NSD2: variants seen among roughly 807,000 people sequenced by gnomAD.
The protein encoded by NSD2 is histone-lysine N-methyltransferase NSD2.
Under a neutral mutation model 139.0 loss-of-function variants are expected in NSD2, and 12 were observed. That is an observed-to-expected ratio of 0.09 (90% CI 0.06 to 0.14). NSD2 has a LOEUF of 0.14. Ranked by LOEUF, NSD2 falls within the 10% of genes least tolerant of loss-of-function variation. The pLI is 1.00. For synonymous variants in NSD2, 669 were observed against 648.7 expected, an observed-to-expected ratio of 1.03 and a Z score of -0.48; for missense variants, 1,155 against 1,745.0, an observed-to-expected ratio of 0.66 and a Z score of 6.02.
intron 3 of NSD2, among the ~76,000 whole-genome samples, chr4:1,909,607 C>G (rs1718394333): frequency 1.3e-5 from 2 of 151,676 alleles, no homozygotes; most frequent in South Asian, 4.2e-4. Context: ...GAAGCCAGTA[C>G]TTTTATATTT....
chr4:1,886,468 A>C (rs1251544109), intron 1 of NSD2, among the ~76,000 whole-genome samples: 1 of 152,120 alleles, frequency 6.6e-6, no homozygotes, highest in Admixed American at 6.6e-5. Flanking sequence ...TGGCCTCTGA[A>C]AGTTCTGGGA....
At chr4:1,907,615 C>CTCT (rs1718095597) in intron 3 of NSD2, among the ~76,000 whole-genome samples, 11 of 93,626 alleles carry the variant, frequency 1.2e-4, no homozygotes, top group Non-Finnish European at 2.0e-4. Flanking sequence ...TGTTGAATCT[C>CTCT]TTTTTTTTTT....
chr4:1,959,386 G>T, intron 16 of NSD2, 85 bp from the exon 17 acceptor site: 2 of 1,522,166 alleles, frequency 1.3e-6, no homozygotes, highest in South Asian at 2.5e-5. Context: ...CCTGGAGGCT[G>T]GGTAAGGAGA....
At chr4:1,953,570 C>G (rs755307566) in intron 12 of NSD2, 46 bp downstream of exon 12, 1 of 1,547,592 alleles carries the variant, frequency 6.5e-7, no homozygotes, top group Non-Finnish European at 8.7e-7. Context: ...AGATGCAGGC[C>G]AGACGCAGGC....
intron 5 of NSD2, among the ~76,000 whole-genome samples, chr4:1,923,022 C>T (rs895591902): frequency 6.6e-6 from 1 of 152,084 alleles, no homozygotes; most frequent in Admixed American, 6.5e-5. Flanking sequence ...GATGGGAAAG[C>T]GCTGCAGGCC....
chr4:1,921,876 C>T (rs548958365), intron 5 of NSD2, among the ~76,000 whole-genome samples: 2 of 151,610 alleles, frequency 1.3e-5, no homozygotes, highest in Non-Finnish European at 2.9e-5. Flanking sequence ...AGGCCGGGCG[C>T]GGTGGCTCAC....
chr4:1,962,809 T>C (rs1236975146), intron 18 of NSD2, among the ~76,000 whole-genome samples: 1 of 152,198 alleles, frequency 6.6e-6, no homozygotes, highest in Admixed American at 6.5e-5. Flanking sequence ...TATCTGGGAC[T>C]ACAGGAACAT....
chr4:1,922,123 G>A (rs897322283), intron 5 of NSD2, among the ~76,000 whole-genome samples: 5 of 152,198 alleles, frequency 3.3e-5, no homozygotes, highest in Non-Finnish European at 5.9e-5. Flanking sequence ...CTGCAGCCTA[G>A]ACAATAGAAT....
intron 6 of NSD2, among the ~76,000 whole-genome samples, chr4:1,933,176 G>C (rs1386402993): frequency 6.6e-6 from 1 of 152,250 alleles, no homozygotes; most frequent in African/African-American, 2.4e-5. Flanking sequence ...CGCTTTGGCT[G>C]CTGACTCTTC....
chr4:1,912,224 C>A, intron 3 of NSD2: 1 of 231,720 alleles, frequency 4.3e-6, no homozygotes, highest in Non-Finnish European at 9.0e-6. Flanking sequence ...TCATCATTTT[C>A]TTCTACTTCT....
chr4:1,930,866 A>T, intron 6 of NSD2, 96 bp downstream of exon 6: 1 of 1,431,078 alleles, frequency 7.0e-7, no homozygotes, highest in Non-Finnish European at 9.3e-7. Flanking sequence ...AAGTGTGTCC[A>T]CTCTCCCTGT....
At chr4:1,890,469 T>G (rs1715444817) in intron 1 of NSD2, among the ~76,000 whole-genome samples, 1 of 150,732 alleles carries the variant, frequency 6.6e-6, no homozygotes, top group Non-Finnish European at 1.5e-5. Flanking sequence ...CGGCTAATTG[T>G]TTTTTGTATT....
In NSD2 at chr4:1,982,117, A is replaced by G. The variant is rs142634124; in HGVS notation, c.*3208A>G. ...GAGTTGAGACTTGCCAGTTGGGGGA[A>G]AATAGCATTTAAAATGGAAAGCTGT... On this transcript the variant is annotated 3_prime_UTR_variant, in exon 22 of 22. Transcript: ENST00000508803. 1.3e-3 allele frequency: 526 copies of G among 396,544 alleles called. 5 individuals are homozygous for G. In the East Asian group the frequency reaches 0.018, roughly 13 times the overall value. 24.6% of individuals were successfully genotyped at this position (396,544 alleles called of 1,614,324 possible).
chr4:1,957,937 G>T lies in NSD2; in HGVS notation c.2886G>T (p.Leu962=), dbSNP rs1378436513. 1 of 1,614,022 alleles carries T rather than the reference G, an allele frequency of 6.2e-7. No homozygotes were observed. Among genetic ancestry groups the T allele is most frequent in the South Asian group, 1.1e-5 (1 of 91,064 alleles). The change falls in exon 16 of 22, where the codon CTG becomes CTT. Residue 962 remains leucine (L), a synonymous_variant. Transcript: ENST00000508803. ...RGIGRVFKNA[L]QEAEARFREI... is the part of the protein sequence containing the mutation. Reference sequence around the variant, plus strand: ...CCTATTTCATTGACTTTTTAGCACTGCAAGAAGCTGAAGCTCGTTTTCGTG... The same window carrying T: ...CCTATTTCATTGACTTTTTAGCACTTCAAGAAGCTGAAGCTCGTTTTCGTG...
Position 1,911,616 on chromosome 4 carries a change from AAAAG to A in NSD2, c.761-5243_761-5240del, listed in dbSNP as rs1293509859. Among the ~76,000 whole-genome samples the A allele has an allele frequency of 1.7e-3, 253 of 150,894 alleles. 1 individual carries two copies. The highest frequency in any genetic ancestry group is 3.0e-3 in the African/African-American group (124 of 41,136). ...AAAAAAAAAAAAAAAAAGAAAAAAAAAAAGAAAGAAAGAAATTGCATAGGAAGGG... is the reference window on the plus strand; with the variant it reads ...AAAAAAAAAAAAAAAAAGAAAAAAAAAAAGAAAGAAATTGCATAGGAAGGG... On this transcript the variant is annotated intron_variant, in intron 3 of 21. Transcript: ENST00000508803.
intron 1 of NSD2, among the ~76,000 whole-genome samples, chr4:1,898,861 C>T (rs1716783883): frequency 1.3e-5 from 2 of 151,996 alleles, no homozygotes; most frequent in Admixed American, 1.3e-4. Flanking sequence ...GTTACAGTTG[C>T]TTCAAACTCT....
intron 1 of NSD2, among the ~76,000 whole-genome samples, chr4:1,872,591 TGA>T (rs1200688066): frequency 0.028 from 1,266 of 44,878 alleles, 17 homozygotes; most frequent in Admixed American, 0.033. Context: ...TGTGTGTGTG[TGA>T]GAGAGAGAGA....
chr4:1,921,331 C>T (rs993320889), intron 5 of NSD2, among the ~76,000 whole-genome samples: 7 of 151,606 alleles, frequency 4.6e-5, no homozygotes, highest in Admixed American at 2.0e-4. Flanking sequence ...TGGTGGCGTG[C>T]GCCTGTACTT....
chr4:1,882,258 A>G (rs930344106), intron 1 of NSD2, among the ~76,000 whole-genome samples: 1 of 152,180 alleles, frequency 6.6e-6, no homozygotes, highest in Non-Finnish European at 1.5e-5. Context: ...TGCTCTGGCC[A>G]TTGGAAAGTG....
Sources: allele counts gnomAD v4.1 joint callset (sites outside exome capture counted in the v4.1 genomes callset), GRCh38; gene constraint gnomAD v4.1.1; transcripts MANE v1.5; gene names NCBI Gene and HGNC (gene_info 2026-07-23, HGNC 2026-07-21).